Variants in ERBB4 observed in about 807,000 individuals in gnomAD.
ERBB4 encodes erb-b2 receptor tyrosine kinase 4.
A neutral mutation model predicts 158.0 loss-of-function variants in ERBB4; 42 were observed. That is an observed-to-expected ratio of 0.27 (90% CI 0.21 to 0.34). The LOEUF (loss-of-function observed/expected upper bound fraction) is 0.34. Ranked by LOEUF, ERBB4 falls within the 10% of genes least tolerant of loss-of-function variation. The pLI, the probability that ERBB4 is intolerant of heterozygous loss-of-function variation, is 1.00. For synonymous variants in ERBB4, 583 were observed against 558.7 expected (o/e 1.04, Z -0.61); for missense variants, 1,333 against 1,624.1 (o/e 0.82, Z 3.08).
At chr2:212,219,832 C>T (rs114989958) in intron 1 of ERBB4, among the ~76,000 whole-genome samples, 2,687 of 151,284 alleles carry the variant, frequency 0.018, 82 homozygotes, top group African/African-American at 0.062. Context: ...TGCACAAACC[C>T]TCTGGTTTTG....
chr2:212,439,486 C>T (rs1434807212), intron 1 of ERBB4, among the ~76,000 whole-genome samples: 2 of 149,528 alleles, frequency 1.3e-5, no homozygotes, highest in Non-Finnish European at 3.0e-5. Context: ...CTAGGATATA[C>T]CTTTCTCCCC....
intron 1 of ERBB4, among the ~76,000 whole-genome samples, chr2:212,173,951 T>C (rs987699127): frequency 2.6e-5 from 4 of 152,076 alleles, no homozygotes; most frequent in African/African-American, 9.7e-5. Flanking sequence ...TCCGAAGTAG[T>C]TCATATATCA....
intron 3 of ERBB4, among the ~76,000 whole-genome samples, chr2:211,911,449 A>G (rs2079539228): frequency 6.6e-6 from 1 of 151,848 alleles, no homozygotes; most frequent in Non-Finnish European, 1.5e-5. Flanking sequence ...AATTTTTAGT[A>G]GAGATGGAGT....
At chr2:212,232,078 T>C (rs902949711) in intron 1 of ERBB4, among the ~76,000 whole-genome samples, 4 of 152,170 alleles carry the variant, frequency 2.6e-5, no homozygotes, top group Non-Finnish European at 5.9e-5. Flanking sequence ...AATTAAACTC[T>C]TTATGCATCA....
intron 2 of ERBB4, among the ~76,000 whole-genome samples, chr2:212,029,326 C>T (rs1521540): frequency 0.85 from 128,432 of 151,872 alleles, 55,807 homozygotes; most frequent in East Asian, 1. Context: ...CTTTCCTGGG[C>T]AAAGCCCTGG....
At chr2:211,877,603 C>G (rs535072224) in intron 3 of ERBB4, among the ~76,000 whole-genome samples, 23 of 150,730 alleles carry the variant, frequency 1.5e-4, no homozygotes, top group African/African-American at 5.6e-4. Flanking sequence ...TGCTATTAGT[C>G]CAGACATTAA....
At chr2:211,937,617 C>T (rs1041100886) in intron 3 of ERBB4, among the ~76,000 whole-genome samples, 3 of 152,062 alleles carry the variant, frequency 2.0e-5, no homozygotes, top group African/African-American at 4.8e-5. Context: ...GAAGGGGAAG[C>T]AAACACATCC....
intron 1 of ERBB4, among the ~76,000 whole-genome samples, chr2:212,246,264 C>T (rs1382058448): frequency 6.6e-6 from 1 of 152,096 alleles, no homozygotes; most frequent in Non-Finnish European, 1.5e-5. Context: ...CTGTAAATTG[C>T]TTTGTTTTAA....
At chr2:211,404,048 A>G (rs928343179) in intron 25 of ERBB4, among the ~76,000 whole-genome samples, 1 of 152,154 alleles carries the variant, frequency 6.6e-6, no homozygotes, top group Non-Finnish European at 1.5e-5. Context: ...ATTATGTATA[A>G]TTAGGTACAT....
chr2:211,658,249 A>T (rs2071292176), intron 15 of ERBB4, among the ~76,000 whole-genome samples: 3 of 152,206 alleles, frequency 2.0e-5, no homozygotes, highest in Admixed American at 2.0e-4. Flanking sequence ...TTCCAAACGC[A>T]CAGCTCACTT....
chr2:211,723,537 A>T (rs957625553), intron 6 of ERBB4, among the ~76,000 whole-genome samples: 1 of 152,116 alleles, frequency 6.6e-6, no homozygotes, highest in African/African-American at 2.4e-5. Context: ...TTGTTTTAGC[A>T]AGCACTTTAT....
chr2:212,017,681 T>A (rs2076559601), intron 2 of ERBB4, among the ~76,000 whole-genome samples: 3 of 152,148 alleles, frequency 2.0e-5, no homozygotes, highest in Admixed American at 2.0e-4. Context: ...TCTTAATACC[T>A]GGAAGTGACT....
chr2:212,045,942 C>T (rs1486909000), intron 2 of ERBB4, among the ~76,000 whole-genome samples: 1 of 152,178 alleles, frequency 6.6e-6, no homozygotes, highest in African/African-American at 2.4e-5. Context: ...TCAAACCCTC[C>T]TACTTTGTAT....
chr2:212,281,152 G>A (rs998095752), intron 1 of ERBB4, among the ~76,000 whole-genome samples: 12 of 151,020 alleles, frequency 7.9e-5, no homozygotes, highest in African/African-American at 2.2e-4. Flanking sequence ...TTCTGAAACC[G>A]TCACAGATCT....
intron 1 of ERBB4, among the ~76,000 whole-genome samples, chr2:212,309,164 C>G (rs2086925145): frequency 6.6e-6 from 1 of 150,894 alleles, no homozygotes; most frequent in Non-Finnish European, 1.5e-5. Flanking sequence ...AGAAAAATAA[C>G]TATTTAAATA....
chr2:212,210,852 A>G (rs1289521367), intron 1 of ERBB4, among the ~76,000 whole-genome samples: 2 of 152,040 alleles, frequency 1.3e-5, no homozygotes, highest in Non-Finnish European at 2.9e-5. Context: ...CTATATCTCC[A>G]ACCTAGACAA....
At chr2:211,455,023 A>C (rs549692536) in intron 20 of ERBB4, among the ~76,000 whole-genome samples, 2 of 152,368 alleles carry the variant, frequency 1.3e-5, no homozygotes, top group Non-Finnish European at 2.9e-5. Flanking sequence ...TGAATGTATC[A>C]GTCTTTTGCT....
chr2:211,966,108 G>C (rs1242316996), intron 2 of ERBB4, among the ~76,000 whole-genome samples: 5 of 152,090 alleles, frequency 3.3e-5, no homozygotes, highest in African/African-American at 1.2e-4. Context: ...CAGCTACCCA[G>C]GAAGCTGAGG....
chr2:211,722,587 T>C, intron 6 of ERBB4, 53 bp from the exon 7 acceptor site: 1 of 1,558,250 alleles, frequency 6.4e-7, no homozygotes, highest in Non-Finnish European at 8.9e-7. Context: ...TAATACTTGT[T>C]AATGAAACGC....
Sources: gnomAD v4.1 joint callset for allele counts (sites outside exome capture counted in the v4.1 genomes callset) on GRCh38, gnomAD v4.1.1 for gene constraint, MANE v1.5 for transcripts, NCBI Gene and HGNC (gene_info 2026-07-23, HGNC 2026-07-21) for gene names.